The following B3GALT1 variants were observed in gnomAD, a reference collection of about 807,000 sequenced individuals.
B3GALT1 encodes the protein beta-1,3-galactosyltransferase 1.
Under a neutral mutation model 23.2 loss-of-function variants are expected in B3GALT1, and 10 were observed. The observed-to-expected ratio is 0.43, with a 90% CI of 0.27 to 0.73. The LOEUF (loss-of-function observed/expected upper bound fraction) is 0.73. Ranked by LOEUF, B3GALT1 falls within the 30% of genes least tolerant of loss-of-function variation. The probability of loss-of-function intolerance (pLI) is 0.21; values close to 1 mark genes in which losing one functional copy is unlikely to be tolerated. For missense variants in B3GALT1, 299 were observed against 405.4 expected (o/e 0.74, Z 2.25); for synonymous variants, 156 against 141.5 (o/e 1.10, Z -0.73).
intron 3 of B3GALT1, among the ~76,000 whole-genome samples, chr2:167,809,564 G>A (rs1030337322): frequency 6.6e-6 from 1 of 152,224 alleles, no homozygotes; most frequent in Non-Finnish European, 1.5e-5. Context: ...GACCCTGTTT[G>A]CCTGGGTATC....
In B3GALT1 at chr2:167,640,719, G is replaced by T. The variant is rs188076756; in HGVS notation, c.-409-6190G>T. Among the ~76,000 whole-genome samples the T allele has an allele frequency of 2.5e-4, 38 of 152,084 alleles. No homozygotes were observed. The East Asian group carries it at 7.0e-3, about 28-fold the overall frequency. On this transcript the variant is annotated intron_variant, in intron 2 of 4. Transcript: ENST00000392690. ...CACTCTAAAAAATGAGGCATATTTC[G>T]CAGGAAAATTCTTGACTTCTGGCTT...
chr2:167,441,853 T>C lies in B3GALT1; in HGVS notation c.-510-48324T>C, dbSNP rs548510636. ...GCCCAGGCCAGACAGCATAGCAAGA[T>C]CCCATGTTTTTTTTTTTTTAATTTA... On this transcript the variant is annotated intron_variant, in intron 1 of 4. Coordinates refer to ENST00000392690, the MANE Select transcript of B3GALT1 (RefSeq NM_020981.4). Among the ~76,000 whole-genome samples the C allele has an allele frequency of 3.2e-3, 480 of 150,946 alleles. 1 individual carries two copies. Among genetic ancestry groups the C allele is most frequent in the Non-Finnish European group, 5.7e-3 (388 of 67,782 alleles).
At chr2:167,358,485 T>G (rs1395461737) in intron 1 of B3GALT1, among the ~76,000 whole-genome samples, 2 of 152,200 alleles carry the variant, frequency 1.3e-5, no homozygotes, top group Non-Finnish European at 2.9e-5. Context: ...TGTGTATGAA[T>G]AAAGCTAACA....
chr2:167,480,789 C>A (rs1463436367), intron 1 of B3GALT1, among the ~76,000 whole-genome samples: 1 of 152,148 alleles, frequency 6.6e-6, no homozygotes, highest in Non-Finnish European at 1.5e-5. Context: ...ACAAGAGTGA[C>A]TAAATATTTT....
At chr2:167,514,992 T>G (rs570527727) in intron 2 of B3GALT1, among the ~76,000 whole-genome samples, 1 of 152,286 alleles carries the variant, frequency 6.6e-6, no homozygotes, top group Non-Finnish European at 1.5e-5. Context: ...ATTATGATTT[T>G]TATGTTTTAC....
intron 2 of B3GALT1, among the ~76,000 whole-genome samples, chr2:167,603,713 C>T (rs931411157): frequency 6.6e-6 from 1 of 152,132 alleles, no homozygotes; most frequent in African/African-American, 2.4e-5. Context: ...ACCTTTTTGG[C>T]TTTCTGGCTC....
At chr2:167,508,009 T>A (rs1221422534) in intron 2 of B3GALT1, among the ~76,000 whole-genome samples, 1 of 152,116 alleles carries the variant, frequency 6.6e-6, no homozygotes, top group Non-Finnish European at 1.5e-5. Flanking sequence ...GACTTCTCTT[T>A]GTGTCCTCAT....
intron 2 of B3GALT1, among the ~76,000 whole-genome samples, chr2:167,532,953 G>A (rs7561535): frequency 2.0e-5 from 3 of 149,326 alleles, no homozygotes; most frequent in Non-Finnish European, 3.0e-5. Flanking sequence ...CCTCCACCTC[G>A]TGGGTTCAAG....
Position 167,419,481 on chromosome 2 carries a change from CT to C in B3GALT1, c.-510-70695del, listed in dbSNP as rs550746992. On this transcript the variant is annotated intron_variant, in intron 1 of 4. Transcript: ENST00000392690. ...ACAGAAAATGTATGAGGTATATCCC[CT>C]GTCCATAAGCACAGTCTGTATTTGA... Among the ~76,000 whole-genome samples, 25 of 152,278 alleles carry C rather than the reference CT, an allele frequency of 1.6e-4. No individual in the cohort carries two copies. In the East Asian group the frequency reaches 3.7e-3, roughly 22 times the overall value.
intron 3 of B3GALT1, among the ~76,000 whole-genome samples, chr2:167,703,023 A>G (rs928969362): frequency 6.6e-6 from 1 of 152,174 alleles, no homozygotes; most frequent in African/African-American, 2.4e-5. Flanking sequence ...GTCTATTTCT[A>G]GAGAGTGAAT....
intron 3 of B3GALT1, among the ~76,000 whole-genome samples, chr2:167,756,876 T>C (rs555227661): frequency 1.3e-5 from 2 of 152,272 alleles, no homozygotes; most frequent in East Asian, 3.9e-4. Flanking sequence ...ACTCATCTGG[T>C]TTCATTCCAC....
At chr2:167,798,408 A>G (rs1219623686) in intron 3 of B3GALT1, among the ~76,000 whole-genome samples, 1 of 151,952 alleles carries the variant, frequency 6.6e-6, no homozygotes, top group East Asian at 1.9e-4. Flanking sequence ...TAGGGTTTTT[A>G]TGGTTTTGGG....
At position 167,802,900 on chromosome 2, in the gene B3GALT1, A is replaced by G. The variant is rs191448762; in HGVS notation, c.-351-15772A>G. Among the ~76,000 whole-genome samples, 202 of 148,374 alleles carry G rather than the reference A, an allele frequency of 1.4e-3. 1 individual carries two copies. Among genetic ancestry groups the G allele is most frequent in the Non-Finnish European group, 2.3e-3 (156 of 67,594 alleles). ...AAAAATGTACAATGAAGTTGACAAC[A>G]CTTTTAAATAAATTAGTATTTTTTT... On this transcript the variant is annotated intron_variant, in intron 3 of 4. Transcript: ENST00000392690.
At chr2:167,674,437 A>G (rs1204021299) in intron 3 of B3GALT1, among the ~76,000 whole-genome samples, 3 of 152,210 alleles carry the variant, frequency 2.0e-5, no homozygotes, top group Non-Finnish European at 4.4e-5. Flanking sequence ...TATTAAATAG[A>G]AGTATACTTG....
intron 1 of B3GALT1, among the ~76,000 whole-genome samples, chr2:167,399,607 A>T (rs987488522): frequency 5.3e-5 from 8 of 152,000 alleles, no homozygotes; most frequent in African/African-American, 1.9e-4. Context: ...TGATTCATAG[A>T]AGCAGCATAT....
intron 3 of B3GALT1, among the ~76,000 whole-genome samples, chr2:167,763,586 G>A (rs899351213): frequency 1.3e-5 from 2 of 150,888 alleles, no homozygotes; most frequent in African/African-American, 4.9e-5. Flanking sequence ...AGCTACTCGG[G>A]AGGCTGAGGC....
At chr2:167,697,935 G>T (rs1398194034) in intron 3 of B3GALT1, among the ~76,000 whole-genome samples, 1 of 152,188 alleles carries the variant, frequency 6.6e-6, no homozygotes, top group Admixed American at 6.5e-5. Flanking sequence ...CACTTAAGTT[G>T]TGCAATTTCA....
intron 2 of B3GALT1, among the ~76,000 whole-genome samples, chr2:167,511,261 T>A (rs184629108): frequency 1.3e-5 from 2 of 152,356 alleles, no homozygotes; most frequent in African/African-American, 4.8e-5. Flanking sequence ...TCTTGAATTG[T>A]AGTTCCCATA....
At chr2:167,537,280 C>T (rs186545031) in intron 2 of B3GALT1, among the ~76,000 whole-genome samples, 8 of 152,096 alleles carry the variant, frequency 5.3e-5, no homozygotes, top group African/African-American at 4.8e-5. Context: ...GGGAAACCAC[C>T]GTATGATTCA....
Sources: allele counts gnomAD v4.1 joint callset (sites outside exome capture counted in the v4.1 genomes callset), GRCh38; gene constraint gnomAD v4.1.1; transcripts MANE v1.5; gene names NCBI Gene and HGNC (gene_info 2026-07-23, HGNC 2026-07-21).